MAP2K6: variants seen among roughly 807,000 people sequenced by gnomAD.
MAP2K6 encodes the protein dual specificity mitogen-activated protein kinase kinase 6.
Under a neutral mutation model 53.7 loss-of-function variants are expected in MAP2K6, and 16 were observed. The ratio of observed to expected loss-of-function variants is 0.30; its 90% confidence interval spans 0.20 to 0.45. MAP2K6 has a LOEUF of 0.45. Among genes scored for constraint, MAP2K6 ranks in the 20% least tolerant of loss-of-function variants. MAP2K6 has a pLI of 1.00. For missense variants in MAP2K6, 204 were observed against 411.9 expected, an observed-to-expected ratio of 0.50 and a Z score of 4.37; for synonymous variants, 132 against 143.1, an observed-to-expected ratio of 0.92 and a Z score of 0.55.
At chr17:69,519,971 A>C in intron 5 of MAP2K6, 2 of 310,890 alleles carry the variant, frequency 6.4e-6, no homozygotes, top group East Asian at 8.3e-5. Context: ...GGTATCAGTA[A>C]AGGCCTGGAT....
intron 1 of MAP2K6, among the ~76,000 whole-genome samples, chr17:69,480,123 T>A (rs1219449975): frequency 6.6e-6 from 1 of 152,194 alleles, no homozygotes; most frequent in Non-Finnish European, 1.5e-5. Context: ...AAGTATTTTT[T>A]AAAATCTTCC....
At chr17:69,474,772 C>G (rs1598279484) in intron 1 of MAP2K6, among the ~76,000 whole-genome samples, 1 of 152,218 alleles carries the variant, frequency 6.6e-6, no homozygotes, top group South Asian at 2.1e-4. Context: ...GACAAGCTGC[C>G]TTGACATTTG....
At chr17:69,502,601 G>A in intron 1 of MAP2K6, 2 of 985,330 alleles carry the variant, frequency 2.0e-6, no homozygotes, top group Non-Finnish European at 2.4e-6. Flanking sequence ...AAGATATGCA[G>A]ATGTCCAACT....
intron 1 of MAP2K6, among the ~76,000 whole-genome samples, chr17:69,474,837 T>G (rs1205567732): frequency 6.6e-6 from 1 of 152,218 alleles, no homozygotes; most frequent in Non-Finnish European, 1.5e-5. Flanking sequence ...TTTGCACTTC[T>G]GTTTCCTTTA....
At chr17:69,526,528 C>A in intron 9 of MAP2K6, 42 bp from the exon 10 acceptor site, 1 of 1,601,100 alleles carries the variant, frequency 6.2e-7, no homozygotes, top group Non-Finnish European at 8.5e-7. Context: ...CCTAAAGCAG[C>A]CCTGTTGAAA....
chr17:69,522,984 C>T (rs115463709), intron 7 of MAP2K6, among the ~76,000 whole-genome samples: 1,699 of 152,166 alleles, frequency 0.011, 30 homozygotes, highest in African/African-American at 0.039. Context: ...TGATTTGAGC[C>T]CAGGAGTTTG....
intron 1 of MAP2K6, among the ~76,000 whole-genome samples, chr17:69,446,190 G>A (rs1906959437): frequency 6.6e-6 from 1 of 152,154 alleles, no homozygotes; most frequent in Admixed American, 6.5e-5. Flanking sequence ...CACCAGGATG[G>A]GGGAGGGTGG....
chr17:69,488,860 T>A (rs1473517636), intron 1 of MAP2K6, among the ~76,000 whole-genome samples: 1 of 152,128 alleles, frequency 6.6e-6, no homozygotes, highest in African/African-American at 2.4e-5. Flanking sequence ...CTCAGCATCA[T>A]AAAATATACC....
At chr17:69,498,513 A>G (rs1320529672) in intron 1 of MAP2K6, among the ~76,000 whole-genome samples, 3 of 152,146 alleles carry the variant, frequency 2.0e-5, no homozygotes, top group Admixed American at 6.5e-5. Flanking sequence ...CTTTTGGGGC[A>G]GTTTCACCCA....
intron 1 of MAP2K6, among the ~76,000 whole-genome samples, chr17:69,472,571 G>A (rs1050845503): frequency 7.2e-5 from 11 of 152,184 alleles, no homozygotes; most frequent in African/African-American, 2.7e-4. Flanking sequence ...GAGTGTGGGT[G>A]AGGGTGGGTG....
At chr17:69,527,164 G>T (rs1910819789) in intron 10 of MAP2K6, among the ~76,000 whole-genome samples, 1 of 152,210 alleles carries the variant, frequency 6.6e-6, no homozygotes, top group Admixed American at 6.5e-5. Flanking sequence ...ATTTGATGTT[G>T]ATTAAAGCAT....
At chr17:69,420,356 C>T (rs1361030655) in intron 1 of MAP2K6, among the ~76,000 whole-genome samples, 1 of 152,030 alleles carries the variant, frequency 6.6e-6, no homozygotes, top group African/African-American at 2.4e-5. Context: ...TGTGCAATGC[C>T]TAATCACAAA....
chr17:69,540,311 A>G (rs1263306569), intron 11 of MAP2K6, among the ~76,000 whole-genome samples: 1 of 152,244 alleles, frequency 6.6e-6, no homozygotes, highest in Non-Finnish European at 1.5e-5. Context: ...AAATGCTTAC[A>G]TTTAGCTACT....
intron 1 of MAP2K6, among the ~76,000 whole-genome samples, chr17:69,496,528 C>T (rs1404857369): frequency 2.0e-5 from 3 of 152,066 alleles, no homozygotes; most frequent in Non-Finnish European, 2.9e-5. Context: ...GCCCCACGCC[C>T]GGCTAATTTT....
Position 69,521,072 on chromosome 17 carries a change from A to G in MAP2K6, c.507A>G (p.Leu169=), listed in dbSNP as rs1910439195. The G allele has an allele frequency of 1.9e-6, 3 of 1,609,268 alleles. No individual in the cohort carries two copies. The highest frequency in any genetic ancestry group is 2.5e-6 in the Non-Finnish European group (3 of 1,177,772). ...AVSIVKALEH[L]HSKLSVIHRD... ...AGATTGTAAAAGCATTAGAACATTT[A>G]CATAGTAAGCTGTCTGTCATTCACA... Residue 169 remains leucine (L), a synonymous_variant, in exon 7 of 12, where the codon TTA becomes TTG. Coordinates refer to ENST00000590474, the MANE Select transcript of MAP2K6 (RefSeq NM_002758.4).
intron 1 of MAP2K6, among the ~76,000 whole-genome samples, chr17:69,493,992 A>G (rs1219010703): frequency 6.6e-6 from 1 of 152,216 alleles, no homozygotes; most frequent in African/African-American, 2.4e-5. Flanking sequence ...ATAAATTAAA[A>G]GTAAGTGAGG....
chr17:69,418,541 A>G (rs1196104665), intron 1 of MAP2K6, among the ~76,000 whole-genome samples: 1 of 151,828 alleles, frequency 6.6e-6, no homozygotes, highest in Non-Finnish European at 1.5e-5. Flanking sequence ...TTTTTTTTCT[A>G]TCTATGTGTA....
chr17:69,429,575 G>T (rs753918052), intron 1 of MAP2K6, among the ~76,000 whole-genome samples: 4 of 152,126 alleles, frequency 2.6e-5, no homozygotes, highest in African/African-American at 7.2e-5. Flanking sequence ...ATTAACAAAG[G>T]TCTTTTCAAC....
intron 1 of MAP2K6, among the ~76,000 whole-genome samples, chr17:69,425,976 A>C (rs897185976): frequency 6.6e-6 from 1 of 152,312 alleles, no homozygotes; most frequent in Non-Finnish European, 1.5e-5. Flanking sequence ...CATTTGAAAA[A>C]AAAAAATCAC....
Sources: allele counts gnomAD v4.1 joint callset (sites outside exome capture counted in the v4.1 genomes callset), GRCh38; gene constraint gnomAD v4.1.1; transcripts MANE v1.5; gene names NCBI Gene and HGNC (gene_info 2026-07-23, HGNC 2026-07-21).